The following ZNF385D variants were observed in gnomAD, a reference collection of about 807,000 sequenced individuals.
ZNF385D encodes the protein zinc finger protein 385D, also known as zinc finger protein 659.
A neutral mutation model predicts 35.8 loss-of-function variants in ZNF385D; 15 were observed. The ratio of observed to expected loss-of-function variants is 0.42; its 90% confidence interval spans 0.28 to 0.64. ZNF385D has a LOEUF of 0.64. Among genes scored for constraint, ZNF385D ranks in the 30% least tolerant of loss-of-function variants. The probability of loss-of-function intolerance (pLI) is 0.23; values close to 1 mark genes in which losing one functional copy is unlikely to be tolerated. For synonymous variants in ZNF385D, 212 were observed against 186.8 expected (o/e 1.13, Z -1.10); for missense variants, 474 against 494.6 (o/e 0.96, Z 0.39).
intron 1 of ZNF385D, among the ~76,000 whole-genome samples, chr3:21,744,955 T>A (rs1397655054): frequency 1.3e-5 from 2 of 152,176 alleles, no homozygotes; most frequent in African/African-American, 4.8e-5. Flanking sequence ...AATATCAGCC[T>A]TAGGGAATGC....
At chr3:21,542,629 T>C (rs1376264991) in intron 3 of ZNF385D, among the ~76,000 whole-genome samples, 2 of 152,074 alleles carry the variant, frequency 1.3e-5, no homozygotes, top group African/African-American at 4.8e-5. Context: ...ATTACAGGTG[T>C]GTGCCACTGA....
At chr3:21,829,728 G>A (rs1366347492) in intron 3 of ZNF385D, among the ~76,000 whole-genome samples, 3 of 151,944 alleles carry the variant, frequency 2.0e-5, no homozygotes, top group African/African-American at 7.2e-5. Context: ...CCATGTGGGA[G>A]ATGCTAAATT....
chr3:21,595,210 T>C (rs2064094467), intron 2 of ZNF385D, among the ~76,000 whole-genome samples: 1 of 152,114 alleles, frequency 6.6e-6, no homozygotes, highest in Non-Finnish European at 1.5e-5. Context: ...TGGTTCTTTG[T>C]TGTTCAAGAT....
chr3:22,241,021 T>C (rs1296361940), intron 2 of ZNF385D, among the ~76,000 whole-genome samples: 2 of 151,304 alleles, frequency 1.3e-5, no homozygotes, highest in Non-Finnish European at 2.9e-5. Context: ...AAGTGTTATG[T>C]GAATGTTCAT....
At chr3:22,366,547 A>G (rs181785953) in intron 2 of ZNF385D, among the ~76,000 whole-genome samples, 127 of 152,172 alleles carry the variant, frequency 8.3e-4, no homozygotes, top group African/African-American at 2.9e-3. Flanking sequence ...TCCTTCCTGC[A>G]TTTTTTACAT....
intron 2 of ZNF385D, among the ~76,000 whole-genome samples, chr3:21,588,160 T>A (rs540390686): frequency 6.6e-6 from 1 of 152,120 alleles, no homozygotes; most frequent in African/African-American, 2.4e-5. Flanking sequence ...TTATGATAAT[T>A]GCTGTAAAAC....
intron 6 of ZNF385D, among the ~76,000 whole-genome samples, chr3:21,424,317 A>ATATATATATATATATATT (rs1221923155): frequency 4.7e-5 from 3 of 63,812 alleles, no homozygotes; most frequent in African/African-American, 1.8e-4. Flanking sequence ...ATATATATAT[A>ATATATATATATATATATT]TTTTTTTTTT....
chr3:22,268,097 T>A (rs1230009617), intron 2 of ZNF385D, among the ~76,000 whole-genome samples: 1 of 151,926 alleles, frequency 6.6e-6, no homozygotes, highest in Non-Finnish European at 1.5e-5. Context: ...TTCTAAGTAA[T>A]TGTAACAAAA....
chr3:22,209,009 A>T (rs1288599959), intron 2 of ZNF385D, among the ~76,000 whole-genome samples: 1 of 151,870 alleles, frequency 6.6e-6, no homozygotes, highest in African/African-American at 2.4e-5. Flanking sequence ...TGAGACTATA[A>T]ATATTAAGTG....
intron 3 of ZNF385D, among the ~76,000 whole-genome samples, chr3:21,791,937 C>T (rs2071947085): frequency 6.6e-6 from 1 of 152,070 alleles, no homozygotes; most frequent in African/African-American, 2.4e-5. Flanking sequence ...GTTTCACCAT[C>T]TTGGCTAGGA....
intron 2 of ZNF385D, among the ~76,000 whole-genome samples, chr3:22,370,976 T>C (rs144649733): frequency 6.6e-6 from 1 of 152,292 alleles, no homozygotes; most frequent in East Asian, 1.9e-4. Context: ...ATACATTAAC[T>C]CAAGATGTTT....
chr3:21,522,421 AC>A (rs1707964898), intron 3 of ZNF385D, among the ~76,000 whole-genome samples: 1 of 151,772 alleles, frequency 6.6e-6, no homozygotes, highest in Non-Finnish European at 1.5e-5. Flanking sequence ...CATCACAGCA[AC>A]TCCGCCTCCT....
At chr3:21,450,544 A>C (rs962895049) in intron 4 of ZNF385D, among the ~76,000 whole-genome samples, 12 of 152,148 alleles carry the variant, frequency 7.9e-5, no homozygotes, top group African/African-American at 2.9e-4. Flanking sequence ...CAGATTGGCT[A>C]ATGGAGTTGA....
At position 21,450,680 on chromosome 3, in the gene ZNF385D, C is replaced by T. The variant is rs17008828; in HGVS notation, c.440-13477G>A. Reference sequence around the variant, plus strand: ...AATAAATTCACTTAGATAATTCAAGCGCACACATAATTCTAAGTGTTGGAG... The same window carrying T: ...AATAAATTCACTTAGATAATTCAAGTGCACACATAATTCTAAGTGTTGGAG... On this transcript the variant is annotated intron_variant, in intron 4 of 7. Coordinates refer to ENST00000281523, the MANE Select transcript of ZNF385D (RefSeq NM_024697.3). Among the ~76,000 whole-genome samples the T allele has an allele frequency of 3.3e-5, 5 of 152,040 alleles. No individual in the cohort carries two copies. In the South Asian group the frequency reaches 6.2e-4, roughly 19 times the overall value.
At chr3:21,985,628 C>A (rs1258859974) in intron 3 of ZNF385D, among the ~76,000 whole-genome samples, 1 of 143,142 alleles carries the variant, frequency 7.0e-6, no homozygotes, top group East Asian at 2.0e-4. Flanking sequence ...CTAAAATTCT[C>A]TTTTTTGGTT....
intron 2 of ZNF385D, among the ~76,000 whole-genome samples, chr3:22,351,413 A>T (rs1695910597): frequency 6.6e-6 from 1 of 152,128 alleles, no homozygotes; most frequent in African/African-American, 2.4e-5. Context: ...GGATACTAAG[A>T]CACAAGAGAT....
intron 3 of ZNF385D, among the ~76,000 whole-genome samples, chr3:22,109,797 G>A (rs1410671887): frequency 6.6e-6 from 1 of 152,086 alleles, no homozygotes; most frequent in African/African-American, 2.4e-5. Flanking sequence ...TTAAACTAAA[G>A]AGCTTCTGCA....
intron 2 of ZNF385D, among the ~76,000 whole-genome samples, chr3:22,323,974 G>T (rs73134701): frequency 0.018 from 2,680 of 152,186 alleles, 91 homozygotes; most frequent in African/African-American, 0.061. Flanking sequence ...TTCTAGAAAT[G>T]AGCTCATGGT....
chr3:21,844,171 C>G (rs1310274339), intron 3 of ZNF385D, among the ~76,000 whole-genome samples: 2 of 151,888 alleles, frequency 1.3e-5, no homozygotes, highest in African/African-American at 4.8e-5. Flanking sequence ...GTAGACAGTA[C>G]AGGACAAGTA....
Sources: gnomAD v4.1 joint callset for allele counts (sites outside exome capture counted in the v4.1 genomes callset) on GRCh38, gnomAD v4.1.1 for gene constraint, MANE v1.5 for transcripts, NCBI Gene and HGNC (gene_info 2026-07-23, HGNC 2026-07-21) for gene names.